The following KALRN variants were observed in gnomAD, a reference collection of about 807,000 sequenced individuals.
KALRN encodes the protein kalirin.
A neutral mutation model predicts 353.7 loss-of-function variants in KALRN; 70 were observed. The ratio of observed to expected loss-of-function variants is 0.20; its 90% confidence interval spans 0.16 to 0.24. KALRN has a LOEUF of 0.24. Among genes scored for constraint, KALRN ranks in the 10% least tolerant of loss-of-function variants. The pLI is 1.00. For missense variants in KALRN, 2,791 were observed against 3,756.7 expected, an observed-to-expected ratio of 0.74 and a Z score of 6.72; for synonymous variants, 1,391 against 1,434.8, an observed-to-expected ratio of 0.97 and a Z score of 0.69.
In KALRN at chr3:124,642,805, C is replaced by CGTTGTTTTTTTTTT. The variant is rs148023784; in HGVS notation, c.5664+5505_5664+5506insGTTTTTTTTTTGTT. 1.2e-3 allele frequency among the ~76,000 whole-genome samples: 124 copies of CGTTGTTTTTTTTTT among 102,504 alleles called. 7 individuals carry two copies. The highest frequency in any genetic ancestry group is 4.8e-3 in the African/African-American group (123 of 25,402). The allele number at this position is 102,504 out of a possible 152,430, so 67.2% of individuals were successfully genotyped here. On this transcript the variant is annotated intron_variant, in intron 37 of 59. Coordinates refer to ENST00000682506, the MANE Select transcript of KALRN (RefSeq NM_001388419.1). Reference sequence around the variant, plus strand: ...TTCTGTGGAAGAGATTCCCAAGCCTCGTTTTTTTTTTTTTTTTTTTTGAGA... The same window carrying CGTTGTTTTTTTTTT: ...TTCTGTGGAAGAGATTCCCAAGCCTCGTTGTTTTTTTTTTGTTTTTTTTTTTTTTTTTTTTGAGA...
At chr3:124,316,582 T>C (rs975423137) in intron 6 of KALRN, among the ~76,000 whole-genome samples, 2 of 152,216 alleles carry the variant, frequency 1.3e-5, no homozygotes, top group Non-Finnish European at 2.9e-5. Flanking sequence ...TTTCTGCAGA[T>C]AGCCACATGG....
At chr3:124,481,307 A>G (rs2061960762) in intron 27 of KALRN, among the ~76,000 whole-genome samples, 1 of 152,152 alleles carries the variant, frequency 6.6e-6, no homozygotes, top group African/African-American at 2.4e-5. Context: ...TCTGGGCTCA[A>G]GTAATCCTCC....
chr3:124,650,663 G>T, intron 37 of KALRN, 145 bp from the exon 38 acceptor site: 4 of 741,740 alleles, frequency 5.4e-6, no homozygotes, highest in Non-Finnish European at 8.7e-6. Flanking sequence ...AAAGTCTCTG[G>T]TCTGCTAGTG....
intron 37 of KALRN, among the ~76,000 whole-genome samples, chr3:124,638,755 A>T (rs61705908): frequency 0.13 from 17,271 of 137,620 alleles, 1,049 homozygotes; most frequent in Middle Eastern, 0.22. Context: ...AGTGGTCTCC[A>T]ATGGGGGGGT....
chr3:124,139,902 C>T (rs10512620), intron 1 of KALRN, among the ~76,000 whole-genome samples: 57,094 of 151,946 alleles, frequency 0.38, 11,124 homozygotes, highest in African/African-American at 0.48. Context: ...CTCTCTAACT[C>T]TGCCTTCACG....
In KALRN at chr3:124,036,867, T is replaced by C. The variant is rs535342085; in HGVS notation, c.73+3054T>C. On this transcript the variant is annotated intron_variant, in intron 1 of 59. Transcript: ENST00000682506. Reference sequence around the variant, plus strand: ...TGTCCTCTTCTGATCATTTTGGTGTTTCAATCCCTTGACCAATTGGTTAAG... The same window carrying C: ...TGTCCTCTTCTGATCATTTTGGTGTCTCAATCCCTTGACCAATTGGTTAAG... Among the ~76,000 whole-genome samples the C allele has an allele frequency of 3.9e-5, 6 of 152,348 alleles. No individual in the cohort carries two copies. The South Asian group carries it at 1.2e-3, about 32-fold the overall frequency.
intron 1 of KALRN, among the ~76,000 whole-genome samples, chr3:124,106,500 C>CTGGA (rs1167514727): frequency 1.3e-4 from 20 of 152,238 alleles, no homozygotes; most frequent in African/African-American, 3.6e-4. Context: ...GGAGCCTCAC[C>CTGGA]TGGATACTCT....
chr3:124,184,330 C>A (rs2073959843), intron 1 of KALRN, among the ~76,000 whole-genome samples: 3 of 152,128 alleles, frequency 2.0e-5, no homozygotes, highest in Admixed American at 1.3e-4. Context: ...GGTTGAAGAG[C>A]TTAGAAGAAT....
intron 58 of KALRN, among the ~76,000 whole-genome samples, chr3:124,714,570 G>A (rs2150802619): frequency 6.6e-6 from 1 of 152,260 alleles, no homozygotes; most frequent in African/African-American, 2.4e-5. Context: ...GATGTTGCAG[G>A]GATTAAGTTA....
rs71145471 is a variant in KALRN at position 124,642,806 on chromosome 3, GTT to G, written c.5664+5522_5664+5523del. The stretch of plus-strand genomic sequence containing the variant: ...TCTGTGGAAGAGATTCCCAAGCCTC[GTT>G]TTTTTTTTTTTTTTTTTTGAGACGG... On this transcript the variant is annotated intron_variant, in intron 37 of 59. Coordinates refer to ENST00000682506, the MANE Select transcript of KALRN (RefSeq NM_001388419.1). Among the ~76,000 whole-genome samples the G allele has an allele frequency of 8.3e-5, 8 of 96,838 alleles. 1 individual carries two copies. Among genetic ancestry groups the G allele is most frequent in the Admixed American group, 1.3e-4 (1 of 7,914 alleles). The allele number at this position is 96,838 out of a possible 152,430, so 63.5% of individuals were successfully genotyped here.
chr3:124,454,266 A>G (rs75852185), intron 21 of KALRN, among the ~76,000 whole-genome samples: 4,101 of 152,274 alleles, frequency 0.027, 197 homozygotes, highest in African/African-American at 0.092. Flanking sequence ...GTGGAGAGGG[A>G]AACTAGGAAC....
rs755480505 is a variant in KALRN at position 124,461,941 on chromosome 3, G to A, written c.3906G>A (p.Leu1302=). 6 of 1,612,416 alleles carry A rather than the reference G, an allele frequency of 3.7e-6. No homozygotes were observed. The highest frequency in any genetic ancestry group is 3.4e-6 in the Non-Finnish European group (4 of 1,178,544). ...CAGAGAAGGCTTATGTAAGGGATTT[G>A]CATGAGTGCTTAGAGGTGAGTCTTC... The part of the protein sequence containing the change: ...LQTEKAYVRD[L]HECLETYLWE... Residue 1302 remains leucine (L), a synonymous_variant, in exon 24 of 60, where the codon TTG becomes TTA. Coordinates refer to ENST00000682506, the MANE Select transcript of KALRN (RefSeq NM_001388419.1).
At chr3:124,562,700 A>G in intron 33 of KALRN, 143 bp from the exon 34 acceptor site, 1 of 695,520 alleles carries the variant, frequency 1.4e-6, no homozygotes, top group South Asian at 1.8e-5. Context: ...CCTAAACACC[A>G]TTTTTCCTCT....
intron 1 of KALRN, among the ~76,000 whole-genome samples, chr3:124,074,482 G>A (rs1315318937): frequency 2.0e-5 from 3 of 152,162 alleles, no homozygotes; most frequent in Non-Finnish European, 2.9e-5. Flanking sequence ...CCAGGCATAC[G>A]TAAGTTTTGG....
intron 34 of KALRN, among the ~76,000 whole-genome samples, chr3:124,625,706 CTA>C (rs893763296): frequency 2.0e-5 from 3 of 151,542 alleles, no homozygotes; most frequent in African/African-American, 7.3e-5. Context: ...CTATTTATCT[CTA>C]TATCCCCATA....
chr3:124,474,590 C>A, intron 25 of KALRN, 73 bp from the exon 26 acceptor site: 1 of 1,149,048 alleles, frequency 8.7e-7, no homozygotes, highest in Non-Finnish European at 1.3e-6. Context: ...TATGGTTGTG[C>A]TGGCCTCAGT....
At chr3:124,433,868 A>C (rs1020340816) in intron 16 of KALRN, among the ~76,000 whole-genome samples, 2 of 152,204 alleles carry the variant, frequency 1.3e-5, no homozygotes, top group Non-Finnish European at 2.9e-5. Context: ...TGTTACATGA[A>C]GTTTCTTTTC....
intron 51 of KALRN, among the ~76,000 whole-genome samples, chr3:124,681,629 C>CTT (rs56934346): frequency 0.075 from 7,760 of 103,650 alleles, 735 homozygotes; most frequent in African/African-American, 0.16. Context: ...CAGTGATTGT[C>CTT]TTTTTTTTTT....
rs1296827959 is a variant in KALRN at position 124,442,071 on chromosome 3, A to G, written c.3313+12A>G. 6.4e-7 allele frequency: 1 copy of G among 1,552,370 alleles called. No individual in the cohort carries two copies. The highest frequency in any genetic ancestry group is 8.8e-7 in the Non-Finnish European group (1 of 1,133,938). On this transcript the variant is annotated intron_variant, in intron 19 of 59. Transcript: ENST00000682506. ...GCAACAAGTGAAAGGTCAGTGAGAG[A>G]CCTGCCCAGCCACCAGTCACTTCAG...
Sources: gnomAD v4.1 joint callset for allele counts (sites outside exome capture counted in the v4.1 genomes callset) on GRCh38, gnomAD v4.1.1 for gene constraint, MANE v1.5 for transcripts, NCBI Gene and HGNC (gene_info 2026-07-23, HGNC 2026-07-21) for gene names.